Variants in PPP2R2C observed in about 807,000 individuals in gnomAD.
PPP2R2C encodes the protein protein phosphatase 2, regulatory subunit B, gamma.
In PPP2R2C, 10 loss-of-function variants were observed where a neutral mutation model predicts 45.3. The ratio of observed to expected loss-of-function variants is 0.22; its 90% CI spans 0.14 to 0.37. PPP2R2C has a LOEUF of 0.37. Among genes scored for constraint, PPP2R2C ranks in the 10% least tolerant of loss-of-function variants. PPP2R2C has a pLI of 1.00. For missense variants in PPP2R2C, 308 were observed against 619.7 expected (o/e 0.50, Z 5.34); for synonymous variants, 257 against 245.4 (o/e 1.05, Z -0.44).
rs1444753143 is a variant in PPP2R2C, at chr4:6,323,199, T to C, written c.*103A>G. 3 of 1,388,506 alleles carry C rather than the reference T, an allele frequency of 2.2e-6. No individual in the cohort carries two copies. The highest frequency in any genetic ancestry group is 2.9e-6 in the Non-Finnish European group (3 of 1,023,500). The allele number at this position is 1,388,506 out of a possible 1,614,324, so 86.0% of individuals were successfully genotyped here. On this transcript the variant is annotated 3_prime_UTR_variant, in exon 9 of 9. Transcript: ENST00000382599. ...ACTGCCACCTCTGCAGCTGTCCTCA[T>C]CAGTGCTGTGACTTTCTTCCCCTCC...
At chr4:6,442,196 C>G (rs1720189980) in intron 1 of PPP2R2C, among the ~76,000 whole-genome samples, 4 of 152,240 alleles carry the variant, frequency 2.6e-5, no homozygotes, top group Admixed American at 2.6e-4. Flanking sequence ...TGTGCTGTCT[C>G]AGCACACAGG....
chr4:6,422,245 G>A (rs574633377), intron 1 of PPP2R2C, among the ~76,000 whole-genome samples: 3 of 152,234 alleles, frequency 2.0e-5, no homozygotes, highest in Non-Finnish European at 4.4e-5. Context: ...AGTGCCTCTG[G>A]GCTTAGCCGC....
Position 6,530,903 on chromosome 4 carries a change from A to G in PPP2R2C, c.49+4368T>C, listed in dbSNP as rs553024501. ...TCCACCAGGCTGCTGTGCACCTGTCACAGTGAGGCCCCAAATGTTGACCAA... is the reference window on the plus strand; with the variant it reads ...TCCACCAGGCTGCTGTGCACCTGTCGCAGTGAGGCCCCAAATGTTGACCAA... On this transcript the variant is annotated intron_variant, in intron 2 of 9. Coordinates refer to the PPP2R2C transcript ENST00000506140. Among the ~76,000 whole-genome samples, 9 of 152,328 alleles carry G rather than the reference A, an allele frequency of 5.9e-5. No homozygotes were observed. The East Asian group carries it at 1.7e-3, about 29-fold the overall frequency.
At chr4:6,522,403 G>T (rs74595123) in intron 2 of PPP2R2C, among the ~76,000 whole-genome samples, 5,424 of 152,234 alleles carry the variant, frequency 0.036, 224 homozygotes, top group East Asian at 0.13. Flanking sequence ...TCCACAATGT[G>T]CCCCCCCAGA....
intron 1 of PPP2R2C, among the ~76,000 whole-genome samples, chr4:6,386,345 G>T (rs750070014): frequency 6.6e-6 from 1 of 152,160 alleles, no homozygotes; most frequent in Non-Finnish European, 1.5e-5. Flanking sequence ...TGAGACACTC[G>T]CAGCAGCTGG....
At chr4:6,467,704 C>T (rs1482586609) in intron 1 of PPP2R2C, among the ~76,000 whole-genome samples, 2 of 152,150 alleles carry the variant, frequency 1.3e-5, no homozygotes, top group Admixed American at 1.3e-4. Flanking sequence ...GTGCTATGGG[C>T]TGCAAGTAAC....
At chr4:6,383,232 A>G (rs1715983072) in intron 1 of PPP2R2C, 1 of 1,205,462 alleles carries the variant, frequency 8.3e-7, no homozygotes, top group African/African-American at 1.6e-5. Flanking sequence ...TGGGTGCAGA[A>G]GAACCCCCCC....
chr4:6,374,881 G>A (rs561385724), intron 4 of PPP2R2C, among the ~76,000 whole-genome samples: 13 of 152,340 alleles, frequency 8.5e-5, no homozygotes, highest in African/African-American at 3.1e-4. Context: ...GGCGTGGCGT[G>A]GGTGAAATCG....
intron 2 of PPP2R2C, among the ~76,000 whole-genome samples, chr4:6,528,075 T>G (rs1724275465): frequency 6.6e-6 from 1 of 152,254 alleles, no homozygotes; most frequent in African/African-American, 2.4e-5. Context: ...AGTGGGCCCT[T>G]CTGAGTTCGG....
rs1299781064 is a variant in PPP2R2C at position 6,399,053 on chromosome 4, T to C, written c.71-17959A>G. On this transcript the variant is annotated intron_variant, in intron 1 of 8. Transcript: ENST00000382599. ...CTTGAAAGTGCAGACTATCCTACAG[T>C]GACCAAAGGCAAATCACTGGCTACC... is the stretch of plus-strand genomic sequence containing the variant. 2.0e-5 allele frequency among the ~76,000 whole-genome samples: 3 copies of C among 152,184 alleles called. No homozygotes were observed. The East Asian group carries it at 5.8e-4, about 29-fold the overall frequency.
At chr4:6,340,011 G>A (rs1364844584) in intron 6 of PPP2R2C, among the ~76,000 whole-genome samples, 1 of 152,128 alleles carries the variant, frequency 6.6e-6, no homozygotes, top group Non-Finnish European at 1.5e-5. Flanking sequence ...GGGGCCTCCT[G>A]TTCGGCCTCT....
intron 1 of PPP2R2C, among the ~76,000 whole-genome samples, chr4:6,424,899 G>A (rs1453476538): frequency 2.0e-5 from 3 of 152,148 alleles, no homozygotes; most frequent in East Asian, 1.9e-4. Flanking sequence ...TCCCAATGCC[G>A]CCACTGCCCA....
chr4:6,422,572 G>T (rs568968007), intron 1 of PPP2R2C, among the ~76,000 whole-genome samples: 1 of 152,312 alleles, frequency 6.6e-6, no homozygotes, highest in African/African-American at 2.4e-5. Flanking sequence ...CCAAGATCAA[G>T]GTGTCAGCAG....
rs1408673392 is a variant in PPP2R2C at position 6,329,495 on chromosome 4, A to C, written c.961-142T>G. On this transcript the variant is annotated intron_variant, in intron 7 of 8. Coordinates refer to ENST00000382599, the MANE Select transcript of PPP2R2C (RefSeq NM_020416.4). This position sits in a 1 kb window ranked among gnomAD's most constrained non-coding sequence, Gnocchi z 5.8. Reference sequence around the variant, plus strand: ...ACCTGCTCATCTCAGCGAGGGTCTGAATGCTCTGACACAGCCCGACACAGC... The same window carrying C: ...ACCTGCTCATCTCAGCGAGGGTCTGCATGCTCTGACACAGCCCGACACAGC... 4.2e-6 allele frequency: 3 copies of C among 722,588 alleles called. No individual in the cohort carries two copies. Among genetic ancestry groups the C allele is most frequent in the Non-Finnish European group, 7.3e-6 (3 of 413,430 alleles). The allele number at this position is 722,588 out of a possible 1,614,324, so 44.8% of individuals were successfully genotyped here.
At chr4:6,510,139 C>T (rs1723377576) in intron 2 of PPP2R2C, among the ~76,000 whole-genome samples, 1 of 152,202 alleles carries the variant, frequency 6.6e-6, no homozygotes, top group South Asian at 2.1e-4. Context: ...AAAACCTACA[C>T]AGGATCATGC....
chr4:6,323,365 A>G lies in PPP2R2C; in HGVS notation c.1281T>C (p.Ile427=), dbSNP rs1350443629. The change falls in exon 9 of 9, where the codon ATT becomes ATC. Residue 427 remains isoleucine (I), a synonymous_variant. Coordinates refer to ENST00000382599, the MANE Select transcript of PPP2R2C (RefSeq NM_020416.4). ...HTAWHPAENI[I]AIAATNNLYI... The stretch of plus-strand genomic sequence containing the variant: ...ACAGGTTGTTGGTGGCGGCGATGGC[A>G]ATGATGTTCTCAGCCGGGTGCCAGG... 1 of 1,613,764 alleles carries G rather than the reference A, an allele frequency of 6.2e-7. No individual in the cohort carries two copies. Among genetic ancestry groups the G allele is most frequent in the Admixed American group, 1.7e-5 (1 of 60,002 alleles).
At chr4:6,410,696 G>A (rs1670430218) in intron 1 of PPP2R2C, among the ~76,000 whole-genome samples, 1 of 151,910 alleles carries the variant, frequency 6.6e-6, no homozygotes, top group Non-Finnish European at 1.5e-5. Context: ...ACGTGGAGAA[G>A]CCCATCCCTG....
Position 6,330,811 on chromosome 4 carries a change from G to T in PPP2R2C, c.961-1458C>A, listed in dbSNP as rs1012665544. ...TGGGAGGAAGGGCCTGCTATTCACTGCACACAGGATGGTTAGACAAGGCTA... is the reference window on the plus strand; with the variant it reads ...TGGGAGGAAGGGCCTGCTATTCACTTCACACAGGATGGTTAGACAAGGCTA... On this transcript the variant is annotated intron_variant, in intron 7 of 8. Transcript: ENST00000382599. This position sits in a 1 kb window ranked among gnomAD's most constrained non-coding sequence, Gnocchi z 7.0. 3.3e-5 allele frequency among the ~76,000 whole-genome samples: 5 copies of T among 152,146 alleles called. No homozygotes were observed. The highest frequency in any genetic ancestry group is 9.7e-5 in the African/African-American group (4 of 41,416).
chr4:6,381,973 G>C (rs1045798388), intron 1 of PPP2R2C: 1 of 1,443,850 alleles, frequency 6.9e-7, no homozygotes, highest in African/African-American at 1.4e-5. Flanking sequence ...TGGGAGTGGG[G>C]GAGAGCAGGG....
Sources: gnomAD v4.1 joint callset for allele counts (sites outside exome capture counted in the v4.1 genomes callset) on GRCh38, gnomAD v4.1.1 for gene constraint, Gnocchi (gnomAD v3.1) non-coding constraint, MANE v1.5 for transcripts, NCBI Gene and HGNC (gene_info 2026-07-23, HGNC 2026-07-21) for gene names.